The following TSPAN11 variants were observed in gnomAD, a reference collection of about 807,000 sequenced individuals.
TSPAN11 encodes tetraspanin-11.
A neutral mutation model predicts 32.9 loss-of-function variants in TSPAN11; 29 were observed. The observed-to-expected ratio is 0.88, with a 90% CI of 0.66 to 1.20. The LOEUF (loss-of-function observed/expected upper bound fraction) is 1.20. TSPAN11 is among the 50% of genes most tolerant of loss of function. The probability of loss-of-function intolerance (pLI) is 0.00; values close to 1 mark genes in which losing one functional copy is unlikely to be tolerated. For synonymous variants in TSPAN11, 140 were observed against 141.3 expected, an observed-to-expected ratio of 0.99 and a Z score of 0.07; for missense variants, 283 against 329.1, an observed-to-expected ratio of 0.86 and a Z score of 1.08.
intron 3 of TSPAN11, among the ~76,000 whole-genome samples, chr12:30,971,393 C>G (rs1423737984): frequency 1.3e-5 from 2 of 152,120 alleles, no homozygotes; most frequent in African/African-American, 4.8e-5. Flanking sequence ...AGTGAATGTG[C>G]CCCAAAATCT....
chr12:30,997,388 G>A (rs1592503886), downstream of TSPAN11: 1 of 152,222 alleles, frequency 6.6e-6, no homozygotes, highest in African/African-American at 2.4e-5. Flanking sequence ...AATTTATAAA[G>A]AGAAGAGGTT....
intron 5 of TSPAN11, among the ~76,000 whole-genome samples, 168 bp downstream of exon 5, chr12:30,979,838 C>T (rs1939052992): frequency 6.6e-6 from 1 of 152,218 alleles, no homozygotes; most frequent in Non-Finnish European, 1.5e-5. Flanking sequence ...TAAACCTGGC[C>T]ACATCTCTAG....
chr12:30,971,158 G>A (rs1938842838), intron 3 of TSPAN11, among the ~76,000 whole-genome samples: 1 of 152,150 alleles, frequency 6.6e-6, no homozygotes, highest in African/African-American at 2.4e-5. Flanking sequence ...CAACCTGCCT[G>A]GACTGCCTTG....
chr12:30,959,237 G>C (rs2140289159), intron 2 of TSPAN11, among the ~76,000 whole-genome samples: 1 of 152,230 alleles, frequency 6.6e-6, no homozygotes, highest in East Asian at 1.9e-4. Context: ...CAAGTGTCAA[G>C]GGCTGCTGTG....
intron 1 of TSPAN11, among the ~76,000 whole-genome samples, chr12:30,928,784 T>A (rs1004342757): frequency 9.9e-5 from 15 of 152,086 alleles, no homozygotes; most frequent in Admixed American, 3.9e-4. Context: ...CCTTTCCTGA[T>A]CCCCCATCTA....
the TSPAN11 span, among the ~76,000 whole-genome samples, chr12:31,007,898 C>G: frequency 1.3e-5 from 2 of 152,166 alleles, no homozygotes; most frequent in Non-Finnish European, 2.9e-5. Flanking sequence ...TTCATTCTCA[C>G]AGCCATAGAG....
the TSPAN11 span, among the ~76,000 whole-genome samples, chr12:31,014,528 A>C: frequency 6.6e-6 from 1 of 152,184 alleles, no homozygotes; most frequent in Non-Finnish European, 1.5e-5. Context: ...ATGTTGTCTG[A>C]CTATAGGGCT....
rs1260027202 is a variant in TSPAN11, at chr12:30,992,723, G to C, written c.*808G>C. 1 of 152,406 alleles carries C rather than the reference G, an allele frequency of 6.6e-6. No individual in the cohort carries two copies. Among genetic ancestry groups the C allele is most frequent in the African/African-American group, 2.4e-5 (1 of 41,576 alleles). 9.4% of individuals were successfully genotyped at this position (152,406 alleles called of 1,614,324 possible). On this transcript the variant is annotated 3_prime_UTR_variant, in exon 8 of 8. Coordinates refer to ENST00000546076, the MANE Select transcript of TSPAN11 (RefSeq NM_001370302.1). ...GGGGCCTGATTCTCAGGAACACCAG[G>C]TTTCAGACCATCTTCAGCACCTAAT...
chr12:30,949,579 A>G (rs1938340267), intron 1 of TSPAN11, among the ~76,000 whole-genome samples: 1 of 152,172 alleles, frequency 6.6e-6, no homozygotes, highest in Admixed American at 6.5e-5. Flanking sequence ...ACTGGCCCCC[A>G]TGATTCAATT....
intron 7 of TSPAN11, 114 bp from the exon 8 acceptor site, chr12:30,991,742 C>T: frequency 8.7e-7 from 1 of 1,146,180 alleles, no homozygotes; most frequent in Non-Finnish European, 1.3e-6. Flanking sequence ...GGAATCTGCC[C>T]TTTGCCCAGG....
intron 3 of TSPAN11, among the ~76,000 whole-genome samples, chr12:30,970,385 C>T (rs1938823400): frequency 1.3e-5 from 2 of 152,166 alleles, no homozygotes; most frequent in Admixed American, 6.5e-5. Context: ...CTGTGTTCTC[C>T]TTCCATGACC....
intron 1 of TSPAN11, among the ~76,000 whole-genome samples, chr12:30,941,064 G>T (rs756673040): frequency 1.3e-5 from 2 of 152,194 alleles, no homozygotes; most frequent in Non-Finnish European, 2.9e-5. Context: ...TGCCAAAAAG[G>T]TTGGGGACCG....
the TSPAN11 span, among the ~76,000 whole-genome samples, chr12:31,006,683 C>T: frequency 3.9e-3 from 595 of 152,340 alleles, 8 homozygotes; most frequent in African/African-American, 0.014. Context: ...TCAGGTCTCC[C>T]TCATCACCAC....
intron 1 of TSPAN11, among the ~76,000 whole-genome samples, chr12:30,940,203 C>T (rs1001503738): frequency 7.9e-5 from 12 of 152,212 alleles, no homozygotes; most frequent in Non-Finnish European, 1.6e-4. Flanking sequence ...ATACCTTTGA[C>T]TTAGGTTCCT....
chr12:30,989,523 T>G (rs1939268658), intron 7 of TSPAN11, among the ~76,000 whole-genome samples: 1 of 152,110 alleles, frequency 6.6e-6, no homozygotes, highest in African/African-American at 2.4e-5. Flanking sequence ...CCTAGACCAG[T>G]GTACAGACCG....
At chr12:30,985,428 T>G (rs946381089) in intron 7 of TSPAN11, among the ~76,000 whole-genome samples, 1 of 152,092 alleles carries the variant, frequency 6.6e-6, no homozygotes, top group African/African-American at 2.4e-5. Flanking sequence ...CAGACCAGCC[T>G]GCTCCCCATC....
intron 1 of TSPAN11, chr12:30,927,131 C>A: frequency 1.2e-6 from 1 of 857,030 alleles, no homozygotes; most frequent in Non-Finnish European, 1.6e-6. Context: ...CCAGCGTGCC[C>A]GGGGCATGTC....
At chr12:31,005,080 T>C in the TSPAN11 span, among the ~76,000 whole-genome samples, 3 of 152,342 alleles carry the variant, frequency 2.0e-5, no homozygotes, top group African/African-American at 7.2e-5. Context: ...GGTTGCATAG[T>C]GATTTGTCCT....
chr12:30,971,277 A>T (rs1592486438), intron 3 of TSPAN11, among the ~76,000 whole-genome samples: 1 of 152,334 alleles, frequency 6.6e-6, no homozygotes, highest in East Asian at 1.9e-4. Flanking sequence ...TTTGTGGCAG[A>T]ATCAATCCAA....
Sources: gnomAD v4.1 joint callset for allele counts (sites outside exome capture counted in the v4.1 genomes callset) on GRCh38, gnomAD v4.1.1 for gene constraint, MANE v1.5 for transcripts, NCBI Gene and HGNC (gene_info 2026-07-23, HGNC 2026-07-21) for gene names.